Variants in PARG observed in about 807,000 individuals in gnomAD.
The protein encoded by PARG is poly(ADP-ribose) glycohydrolase, also known as mitochondrial poly(ADP-ribose) glycohydrolase.
PARG carries 35 observed loss-of-function variants against 113.0 expected under a neutral mutation model. That is an observed-to-expected ratio of 0.31 (90% CI 0.24 to 0.41). The LOEUF (loss-of-function observed/expected upper bound fraction) is 0.41. Among genes scored for constraint, PARG ranks in the 10% least tolerant of loss-of-function variants. The pLI is 1.00. For synonymous variants in PARG, 330 were observed against 409.9 expected (o/e 0.81, Z 2.36); for missense variants, 797 against 1,169.4 (o/e 0.68, Z 4.64).
chr10:49,840,666 T>C (rs1455601719), intron 15 of PARG, among the ~76,000 whole-genome samples: 3 of 152,198 alleles, frequency 2.0e-5, no homozygotes, highest in African/African-American at 7.2e-5. Flanking sequence ...AAATTATACA[T>C]ACGAGAACAT....
chr10:49,831,195 T>C (rs926533097), intron 16 of PARG, among the ~76,000 whole-genome samples: 1 of 151,828 alleles, frequency 6.6e-6, no homozygotes, highest in Non-Finnish European at 1.5e-5. Flanking sequence ...ATTCTAGTGA[T>C]TTTTATATAC....
chr10:49,837,401 C>T (rs1020492046), intron 15 of PARG, among the ~76,000 whole-genome samples: 3 of 149,706 alleles, frequency 2.0e-5, no homozygotes, highest in African/African-American at 4.9e-5. Context: ...CATATATACA[C>T]ACACACACAC....
At chr10:49,929,785 T>G (rs1838397322) in intron 4 of PARG, among the ~76,000 whole-genome samples, 1 of 150,180 alleles carries the variant, frequency 6.7e-6, no homozygotes, top group Non-Finnish European at 1.5e-5. Context: ...GAGATCGTGC[T>G]GTTGCACTCC....
At chr10:49,842,677 A>G (rs1845302784) in intron 14 of PARG, among the ~76,000 whole-genome samples, 1 of 152,258 alleles carries the variant, frequency 6.6e-6, no homozygotes, top group Non-Finnish European at 1.5e-5. Context: ...TTTTGGAAAC[A>G]TGTAAAATCC....
rs540328415 is a variant in PARG, at chr10:49,923,662, A to G, written c.1456-993T>C. 3.9e-5 allele frequency among the ~76,000 whole-genome samples: 6 copies of G among 152,030 alleles called. No homozygotes were observed. The South Asian group carries it at 1.3e-3, about 32-fold the overall frequency. On this transcript the variant is annotated intron_variant, in intron 4 of 17. Transcript: ENST00000616448. ...ATTGGAAGCAGCCGGCGCCAGGGAAAGGAGTCACCCAATAGATAGAAAAAT... is the reference window on the plus strand; with the variant it reads ...ATTGGAAGCAGCCGGCGCCAGGGAAGGGAGTCACCCAATAGATAGAAAAAT...
intron 6 of PARG, 74 bp downstream of exon 6, chr10:49,922,262 T>G (rs1837916362): frequency 6.7e-7 from 1 of 1,486,524 alleles, no homozygotes; most frequent in Admixed American, 2.0e-5. Context: ...TACCTGAGTC[T>G]ATTAAGACCA....
At chr10:49,839,939 G>A (rs1243325252) in intron 15 of PARG, among the ~76,000 whole-genome samples, 1 of 152,066 alleles carries the variant, frequency 6.6e-6, no homozygotes, top group Non-Finnish European at 1.5e-5. Context: ...ACGTGTTTAG[G>A]TAAGTAGCAC....
chr10:49,847,293 A>G (rs1233366653), intron 13 of PARG, among the ~76,000 whole-genome samples: 1 of 152,142 alleles, frequency 6.6e-6, no homozygotes, highest in South Asian at 2.1e-4. Context: ...TAAAATATAT[A>G]GCGATACATT....
At chr10:49,920,615 C>CATATATATATACAT (rs1564658975) in intron 6 of PARG, among the ~76,000 whole-genome samples, 5 of 141,746 alleles carry the variant, frequency 3.5e-5, no homozygotes, top group South Asian at 4.4e-4. Context: ...TACATATATA[C>CATATATATATACAT]GTATATATAT....
intron 4 of PARG, among the ~76,000 whole-genome samples, chr10:49,928,963 GA>G (rs1358509517): frequency 2.0e-5 from 3 of 152,166 alleles, no homozygotes; most frequent in African/African-American, 7.2e-5. Flanking sequence ...TAAACTCTGG[GA>G]ATAAGACTGA....
chr10:49,858,408 T>C (rs1380855932), intron 12 of PARG, among the ~76,000 whole-genome samples: 10 of 138,990 alleles, frequency 7.2e-5, no homozygotes, highest in African/African-American at 2.2e-4. Flanking sequence ...ACAAGTAAAA[T>C]AGGATTTACT....
At chr10:49,920,335 G>A (rs1368229806) in intron 6 of PARG, among the ~76,000 whole-genome samples, 3 of 149,930 alleles carry the variant, frequency 2.0e-5, no homozygotes, top group Admixed American at 2.0e-4. Flanking sequence ...TGTAGTCCCT[G>A]CTACTCAGGA....
intron 4 of PARG, among the ~76,000 whole-genome samples, chr10:49,923,129 T>C (rs570334416): frequency 5.4e-4 from 82 of 152,270 alleles, no homozygotes; most frequent in Non-Finnish European, 2.2e-4. Flanking sequence ...GCAAATTCAT[T>C]TTCATATTTA....
At chr10:49,938,809 C>A in intron 1 of PARG, among the ~76,000 whole-genome samples, 1 of 151,988 alleles carries the variant, frequency 6.6e-6, no homozygotes, top group Non-Finnish European at 1.5e-5. Context: ...AATAAATATC[C>A]ATTTCGCTAC....
intron 7 of PARG, among the ~76,000 whole-genome samples, chr10:49,913,465 A>C (rs1554846837): frequency 6.6e-6 from 1 of 152,284 alleles, no homozygotes; most frequent in African/African-American, 2.4e-5. Flanking sequence ...ATAATACAGC[A>C]TAAATTTTAA....
At chr10:49,841,547 C>T (rs1489363876) in intron 15 of PARG, among the ~76,000 whole-genome samples, 2 of 152,102 alleles carry the variant, frequency 1.3e-5, no homozygotes, top group African/African-American at 2.4e-5. Context: ...AATAGAACAA[C>T]ATTTGATTTG....
chr10:49,915,848 G>C (rs1276669714), intron 7 of PARG, 69 bp downstream of exon 7: 4 of 780,488 alleles, frequency 5.1e-6, no homozygotes, highest in Non-Finnish European at 6.6e-6. Context: ...CAGAATTATG[G>C]GTATTCTTCT....
At chr10:49,913,502 C>T (rs1160438062) in intron 7 of PARG, among the ~76,000 whole-genome samples, 5 of 152,122 alleles carry the variant, frequency 3.3e-5, no homozygotes, top group Non-Finnish European at 7.3e-5. Context: ...AGCTATAAGA[C>T]ATCATATATA....
In PARG at chr10:49,931,192, T is replaced by C. The variant is rs1478091256; in HGVS notation, c.1455+908A>G. Among the ~76,000 whole-genome samples the C allele has an allele frequency of 7.9e-5, 12 of 152,272 alleles. No individual in the cohort carries two copies. In the East Asian group the frequency reaches 1.9e-3, roughly 24 times the overall value. ...CCCTCGTTATAGTCTTTTGTTATAA[T>C]GTTATAATGTTAGTCTTTTGTTATG... On this transcript the variant is annotated intron_variant, in intron 4 of 17. Transcript: ENST00000616448.
Sources: gnomAD v4.1 joint callset for allele counts (sites outside exome capture counted in the v4.1 genomes callset) on GRCh38, gnomAD v4.1.1 for gene constraint, MANE v1.5 for transcripts, NCBI Gene and HGNC (gene_info 2026-07-23, HGNC 2026-07-21) for gene names.